The following MED12L variants were observed in gnomAD, a reference collection of about 807,000 sequenced individuals.
The protein encoded by MED12L is mediator of RNA polymerase II transcription subunit 12-like protein.
In MED12L, 60 loss-of-function variants were observed where a neutral mutation model predicts 281.3. That is an observed-to-expected ratio of 0.21 (90% CI 0.17 to 0.26). MED12L has a LOEUF of 0.26. MED12L is among the 10% of genes least tolerant of loss of function. The probability of loss-of-function intolerance (pLI) is 1.00; values close to 1 mark genes in which losing one functional copy is unlikely to be tolerated. For synonymous variants in MED12L, 974 were observed against 987.2 expected (o/e 0.99, Z 0.25); for missense variants, 2,146 against 2,680.9 (o/e 0.80, Z 4.41).
intron 16 of MED12L, among the ~76,000 whole-genome samples, chr3:151,311,956 G>A (rs551024933): frequency 1.2e-4 from 18 of 152,286 alleles, no homozygotes; most frequent in Admixed American, 5.9e-4. Context: ...CCTGGGAGGC[G>A]GAGGTTGCGG....
At chr3:151,176,895 C>A (rs1470897306) in intron 11 of MED12L, among the ~76,000 whole-genome samples, 3 of 152,150 alleles carry the variant, frequency 2.0e-5, no homozygotes, top group African/African-American at 7.2e-5. Flanking sequence ...TTGTTTATTC[C>A]TTTGGTTTAA....
At chr3:151,215,962 T>A (rs1179108350) in intron 16 of MED12L, among the ~76,000 whole-genome samples, 5 of 152,134 alleles carry the variant, frequency 3.3e-5, no homozygotes, top group Non-Finnish European at 7.3e-5. Context: ...CTTCTCTTTA[T>A]CCTCAAGGCC....
In MED12L at chr3:151,128,493, C is replaced by G. The variant is rs573485687; in HGVS notation, c.556+509C>G. 1.7e-3 allele frequency among the ~76,000 whole-genome samples: 258 copies of G among 152,290 alleles called. 1 individual carries two copies. Among genetic ancestry groups the G allele is most frequent in the African/African-American group, 5.4e-3 (224 of 41,564 alleles). ...GATCTGCCCCCACCCCCGGCTCCCC[C>G]CCTTCCTGTGATGTTCCAGCCACAG... is the stretch of plus-strand genomic sequence containing the variant. On this transcript the variant is annotated intron_variant, in intron 5 of 44. Transcript: ENST00000687756.
chr3:151,123,154 TGCC>T (rs1714013023), intron 4 of MED12L, among the ~76,000 whole-genome samples, 180 bp downstream of exon 4: 4 of 152,320 alleles, frequency 2.6e-5, no homozygotes, highest in African/African-American at 7.2e-5. Context: ...TTGCATGTAG[TGCC>T]TAGGACATCT....
In MED12L at chr3:151,409,293, C is replaced by G; in HGVS notation, c.5871C>G (p.Ser1957=). Reference sequence around the variant, plus strand: ...TCTTTGCTGCGCAAGCACGGCCCTCCCCTCAGCTCCCTCAGTATCCAGGGC... The same window carrying G: ...TCTTTGCTGCGCAAGCACGGCCCTCGCCTCAGCTCCCTCAGTATCCAGGGC... ...AALFAAQARP[S]PQLPQYPGLQ... is the part of the protein sequence containing the mutation. Residue 1957 remains serine, a synonymous_variant, in exon 40 of 45, where the codon TCC becomes TCG. Coordinates refer to ENST00000687756, the MANE Select transcript of MED12L (RefSeq NM_001393769.1). The G allele has an allele frequency of 6.2e-7, 1 of 1,613,658 alleles. No individual in the cohort carries two copies. Among genetic ancestry groups the G allele is most frequent in the Non-Finnish European group, 8.5e-7 (1 of 1,179,924 alleles).
rs56702829 is a variant in MED12L at position 151,256,815 on chromosome 3, GT to G, written c.2250+63162del. ...AGCTGACTGGTTATTAATCCAGTCTGTTTTTTTTTTTTTCTTGGTGGGAAAT... is the reference window on the plus strand; with the variant it reads ...AGCTGACTGGTTATTAATCCAGTCTGTTTTTTTTTTTTCTTGGTGGGAAAT... On this transcript the variant is annotated intron_variant, in intron 16 of 44. Transcript: ENST00000687756. Among the ~76,000 whole-genome samples the G allele has an allele frequency of 8.2e-3, 973 of 118,580 alleles. 12 individuals carry two copies. The highest frequency in any genetic ancestry group is 0.028 in the African/African-American group (851 of 30,584). The allele number at this position is 118,580 out of a possible 152,430, so 77.8% of individuals were successfully genotyped here.
intron 16 of MED12L, among the ~76,000 whole-genome samples, chr3:151,236,327 A>G (rs1164097481): frequency 6.6e-6 from 1 of 152,254 alleles, no homozygotes; most frequent in Non-Finnish European, 1.5e-5. Flanking sequence ...TGTGCATAGT[A>G]GATTAACATA....
At chr3:151,184,743 C>A (rs1224577528) in intron 11 of MED12L, among the ~76,000 whole-genome samples, 1 of 152,166 alleles carries the variant, frequency 6.6e-6, no homozygotes, top group African/African-American at 2.4e-5. Context: ...ACTGTGTCTG[C>A]CCTTAATTGT....
chr3:151,333,409 T>TA (rs1459372282), intron 16 of MED12L, among the ~76,000 whole-genome samples: 1 of 152,194 alleles, frequency 6.6e-6, no homozygotes, highest in Non-Finnish European at 1.5e-5. Flanking sequence ...CAGTATCTGT[T>TA]ATTTTTTGAC....
intron 16 of MED12L, among the ~76,000 whole-genome samples, chr3:151,224,977 G>A (rs954624664): frequency 5.9e-5 from 9 of 152,178 alleles, no homozygotes; most frequent in East Asian, 1.9e-4. Context: ...AACTTACAGC[G>A]TTTTACATCT....
intron 2 of MED12L, among the ~76,000 whole-genome samples, chr3:151,105,338 T>C (rs1274395398): frequency 6.6e-6 from 1 of 152,154 alleles, no homozygotes; most frequent in Non-Finnish European, 1.5e-5. Flanking sequence ...CTCTCCTCCT[T>C]TTTCTCCAGA....
intron 16 of MED12L, chr3:151,327,998 A>G: frequency 3.8e-6 from 6 of 1,560,084 alleles, no homozygotes; most frequent in Non-Finnish European, 5.2e-6. Context: ...TTGTCAGCCT[A>G]AGGTTATGTT....
intron 10 of MED12L, 26 bp from the exon 11 acceptor site, chr3:151,165,820 A>T: frequency 6.2e-7 from 1 of 1,604,894 alleles, no homozygotes; most frequent in Non-Finnish European, 8.5e-7. Flanking sequence ...GGCCTCATTA[A>T]CCACTTGTTT....
At position 151,416,346 on chromosome 3, in the gene MED12L, C is replaced by A; in HGVS notation, c.6332C>A (p.Pro2111His). Residue 2111 changes from proline to histidine, a missense_variant, in exon 43 of 45, where the codon CCT (proline) becomes CAT (histidine). Pro to His is a moderately conservative substitution (Grantham distance 77). Transcript: ENST00000687756. ...QQPQQPQPQQPPQPQQSSQSQ... is the reference protein window; with the variant it reads ...QQPQQPQPQQHPQPQQSSQSQ... The stretch of plus-strand genomic sequence containing the variant: ...CCCCAGCAGCCCCAGCCCCAGCAGC[C>A]TCCCCAGCCCCAGCAGTCCTCGCAG... 1 of 1,610,752 alleles carries A rather than the reference C, an allele frequency of 6.2e-7. No homozygotes were observed. The highest frequency in any genetic ancestry group is 1.1e-5 in the South Asian group (1 of 90,974).
rs1476660010 is a variant in MED12L, at chr3:151,122,915, A to G, written c.337A>G (p.Ile113Val). The stretch of plus-strand genomic sequence containing the variant: ...GGTTACTGCTCGATCCCAGAGTGCA[A>G]TTCATAGTTGGTTTTCTGACTTAGC... ...WLVTARSQSA[I>V]HSWFSDLAGN... is the part of the protein sequence containing the mutation. The change falls in exon 4 of 45, where the codon ATT becomes GTT. Residue 113 changes from isoleucine to valine, a missense_variant. Physicochemically the swap from Ile to Val is conservative, Grantham distance 29. Around this residue, in one of 9 missense-constraint regions of MED12L, gnomAD observed 722 missense variants for 861.2 expected, o/e 0.84. Transcript: ENST00000687756. 17 of 1,612,174 alleles carry G rather than the reference A, an allele frequency of 1.1e-5. No homozygotes were observed. The highest frequency in any genetic ancestry group is 2.2e-5 in the South Asian group (2 of 90,434).
chr3:151,198,300 A>C, intron 16 of MED12L: 3 of 666,216 alleles, frequency 4.5e-6, no homozygotes, highest in Non-Finnish European at 7.0e-6. Flanking sequence ...ACCTGTCCAT[A>C]TTTGCTAGCT....
chr3:151,248,688 A>C (rs183765318), intron 16 of MED12L, among the ~76,000 whole-genome samples: 1 of 152,170 alleles, frequency 6.6e-6, no homozygotes, highest in Non-Finnish European at 1.5e-5. Context: ...TACAAGGAAA[A>C]TTTAACTAGA....
At chr3:151,235,328 G>C (rs1247890652) in intron 16 of MED12L, among the ~76,000 whole-genome samples, 1 of 152,186 alleles carries the variant, frequency 6.6e-6, no homozygotes, top group Non-Finnish European at 1.5e-5. Flanking sequence ...GTTTTGTCAA[G>C]CTCTGCATAA....
At chr3:151,379,992 G>A in intron 31 of MED12L, 121 bp from the exon 32 acceptor site, 2 of 612,882 alleles carry the variant, frequency 3.3e-6, no homozygotes, top group Non-Finnish European at 2.8e-6. Context: ...TTTTCAAGCA[G>A]TCTTTGGCTA....
Sources: allele counts gnomAD v4.1 joint callset (sites outside exome capture counted in the v4.1 genomes callset), GRCh38; gene constraint gnomAD v4.1.1; regional missense constraint gnomAD v4.1.1; transcripts MANE v1.5; gene names NCBI Gene and HGNC (gene_info 2026-07-23, HGNC 2026-07-21).